The following MACROD2 variants were observed in gnomAD, a reference collection of about 807,000 sequenced individuals.
MACROD2 encodes the protein mono-ADP ribosylhydrolase 2, also known as ADP-ribose glycohydrolase MACROD2.
In MACROD2, 36 loss-of-function variants were observed where a neutral mutation model predicts 70.4. The ratio of observed to expected loss-of-function variants is 0.51; its 90% CI spans 0.39 to 0.68. MACROD2 has a LOEUF of 0.68. MACROD2 is among the 30% of genes least tolerant of loss of function. The pLI is 0.00. For synonymous variants in MACROD2, 172 were observed against 178.8 expected, an observed-to-expected ratio of 0.96 and a Z score of 0.30; for missense variants, 496 against 538.4, an observed-to-expected ratio of 0.92 and a Z score of 0.78.
In MACROD2 at chr20:15,021,268, G is replaced by GTA. The variant is rs1233023040; in HGVS notation, c.419-208671_419-208670insAT. Reference sequence around the variant, plus strand: ...TGTGTATGTATACACACACCTGTGTGTGTGTATACGCACACCTGTGTGTGT... The same window carrying GTA: ...TGTGTATGTATACACACACCTGTGTGTATGTGTATACGCACACCTGTGTGTGT... On this transcript the variant is annotated intron_variant, in intron 5 of 17. Coordinates refer to ENST00000684519, the MANE Select transcript of MACROD2 (RefSeq NM_001351661.2). Among the ~76,000 whole-genome samples the GTA allele has an allele frequency of 1.6e-3, 213 of 134,122 alleles. 21 individuals carry two copies. Among genetic ancestry groups the GTA allele is most frequent in the African/African-American group, 5.7e-3 (201 of 35,420 alleles). 88.0% of individuals were successfully genotyped at this position (134,122 alleles called of 152,430 possible).
intron 3 of MACROD2, among the ~76,000 whole-genome samples, chr20:14,225,422 A>G (rs1220248207): frequency 6.6e-6 from 1 of 152,252 alleles, no homozygotes; most frequent in Non-Finnish European, 1.5e-5. Context: ...TATGATAGAT[A>G]TGTATTAACA....
At chr20:15,446,851 T>C (rs1234512273) in intron 7 of MACROD2, among the ~76,000 whole-genome samples, 1 of 152,182 alleles carries the variant, frequency 6.6e-6, no homozygotes, top group East Asian at 1.9e-4. Context: ...TGTTTTCCCA[T>C]GTTGTTTATA....
chr20:14,322,190 A>ATATATATATG (rs1555780265), intron 3 of MACROD2, among the ~76,000 whole-genome samples: 6 of 130,106 alleles, frequency 4.6e-5, no homozygotes, highest in African/African-American at 1.6e-4. Flanking sequence ...ATATATATAT[A>ATATATATATG]TATATATATA....
At chr20:14,062,636 T>C (rs2053703903) in intron 2 of MACROD2, among the ~76,000 whole-genome samples, 1 of 152,178 alleles carries the variant, frequency 6.6e-6, no homozygotes, top group Non-Finnish European at 1.5e-5. Context: ...CTTTTATCTT[T>C]TAATTTATTT....
chr20:15,421,614 T>C lies in MACROD2; in HGVS notation c.541-9791T>C, dbSNP rs922428393. Reference sequence around the variant, plus strand: ...GCAAGTTCCAGAACATAAAAACCAATGTAAGCTCCAATTTGTATAGAAGAA... The same window carrying C: ...GCAAGTTCCAGAACATAAAAACCAACGTAAGCTCCAATTTGTATAGAAGAA... On this transcript the variant is annotated intron_variant, in intron 6 of 17. Coordinates refer to ENST00000684519, the MANE Select transcript of MACROD2 (RefSeq NM_001351661.2). Among the ~76,000 whole-genome samples the C allele has an allele frequency of 2.7e-5, 4 of 147,592 alleles. No homozygotes were observed. The East Asian group carries it at 5.8e-4, about 21-fold the overall frequency.
chr20:14,213,436 C>T (rs1267013594), intron 3 of MACROD2, among the ~76,000 whole-genome samples: 1 of 126,968 alleles, frequency 7.9e-6, no homozygotes, highest in African/African-American at 3.0e-5. Flanking sequence ...GTACCAAGAT[C>T]TGAGAGGGCT....
chr20:15,191,986 A>G (rs2145915850), intron 5 of MACROD2, among the ~76,000 whole-genome samples: 1 of 152,034 alleles, frequency 6.6e-6, no homozygotes, highest in East Asian at 1.9e-4. Context: ...AATAAATTAT[A>G]TAACTATATG....
At chr20:14,475,997 G>A (rs549563992) in intron 3 of MACROD2, among the ~76,000 whole-genome samples, 1 of 152,028 alleles carries the variant, frequency 6.6e-6, no homozygotes, top group African/African-American at 2.4e-5. Context: ...CATGAGCCAT[G>A]CCTCTATATA....
intron 8 of MACROD2, among the ~76,000 whole-genome samples, chr20:15,629,755 A>G (rs1600688590): frequency 6.6e-6 from 1 of 152,216 alleles, no homozygotes; most frequent in African/African-American, 2.4e-5. Flanking sequence ...TTTCCTTTCT[A>G]AGTAACAGAC....
intron 5 of MACROD2, among the ~76,000 whole-genome samples, chr20:15,095,177 C>T (rs890663987): frequency 1.4e-4 from 20 of 148,072 alleles, no homozygotes; most frequent in African/African-American, 3.9e-4. Flanking sequence ...CCCAGGTTCA[C>T]GCCATTCTCC....
chr20:14,521,808 C>G (rs2085171565), intron 4 of MACROD2, among the ~76,000 whole-genome samples: 1 of 152,212 alleles, frequency 6.6e-6, no homozygotes, highest in Non-Finnish European at 1.5e-5. Context: ...TATATTCTGA[C>G]AACTAATTAT....
intron 6 of MACROD2, among the ~76,000 whole-genome samples, chr20:15,232,563 A>C (rs1254250375): frequency 3.3e-5 from 5 of 152,066 alleles, no homozygotes; most frequent in Non-Finnish European, 7.4e-5. Context: ...CAGTCGGGAT[A>C]ATGTGTATAA....
chr20:15,786,376 T>C (rs1230217507), intron 8 of MACROD2, among the ~76,000 whole-genome samples: 5 of 151,976 alleles, frequency 3.3e-5, no homozygotes, highest in African/African-American at 1.2e-4. Context: ...TTGATGAAAA[T>C]TTTCAATAGC....
intron 7 of MACROD2, among the ~76,000 whole-genome samples, chr20:15,458,727 T>C (rs2046767590): frequency 6.6e-6 from 1 of 151,962 alleles, no homozygotes. Context: ...TTTAGTTCTT[T>C]CAAAGTTCCA....
chr20:15,454,952 G>A (rs1444952272), intron 7 of MACROD2, among the ~76,000 whole-genome samples: 2 of 152,084 alleles, frequency 1.3e-5, no homozygotes, highest in Non-Finnish European at 1.5e-5. Flanking sequence ...GATGTTTGGT[G>A]TATATTAACC....
intron 5 of MACROD2, among the ~76,000 whole-genome samples, chr20:14,917,102 C>T (rs1009756615): frequency 2.0e-5 from 3 of 151,288 alleles, no homozygotes; most frequent in Non-Finnish European, 2.9e-5. Flanking sequence ...AGTCTCCTGT[C>T]CTTTCCTGGG....
chr20:14,708,578 T>A (rs1458595222), intron 5 of MACROD2, among the ~76,000 whole-genome samples: 3 of 152,156 alleles, frequency 2.0e-5, no homozygotes, highest in Admixed American at 2.0e-4. Flanking sequence ...TCCATTTTTT[T>A]AAAACTTATT....
intron 5 of MACROD2, among the ~76,000 whole-genome samples, chr20:14,854,939 C>T (rs1013374777): frequency 1.3e-5 from 2 of 152,002 alleles, no homozygotes; most frequent in Non-Finnish European, 2.9e-5. Flanking sequence ...TGGCGTGAAC[C>T]CGGCAGACGG....
At chr20:15,501,047 A>G (rs1453368412) in intron 8 of MACROD2, among the ~76,000 whole-genome samples, 1 of 152,190 alleles carries the variant, frequency 6.6e-6, no homozygotes, top group Non-Finnish European at 1.5e-5. Context: ...ATTTGCCTTC[A>G]AAAGGTTAAA....
Sources: gnomAD v4.1 joint callset for allele counts (sites outside exome capture counted in the v4.1 genomes callset) on GRCh38, gnomAD v4.1.1 for gene constraint, MANE v1.5 for transcripts, NCBI Gene and HGNC (gene_info 2026-07-23, HGNC 2026-07-21) for gene names.